Variants in TTLL7 observed in about 807,000 individuals in gnomAD.
TTLL7 encodes the protein tubulin tyrosine ligase like 7, also known as tubulin polyglutamylase TTLL7.
Under a neutral mutation model 120.2 loss-of-function variants are expected in TTLL7, and 53 were observed. The ratio of observed to expected loss-of-function variants is 0.44; its 90% CI spans 0.35 to 0.55. The LOEUF (loss-of-function observed/expected upper bound fraction) is 0.55, where lower values mean the gene tolerates loss of function less well. TTLL7 is among the 20% of genes least tolerant of loss of function. The pLI is 0.00. For synonymous variants in TTLL7, 353 were observed against 351.7 expected (o/e 1.00, Z -0.04); for missense variants, 803 against 1,054.7 (o/e 0.76, Z 3.31).
At chr1:83,967,176 G>C (rs1461747600) in intron 1 of TTLL7, among the ~76,000 whole-genome samples, 1 of 151,984 alleles carries the variant, frequency 6.6e-6, no homozygotes, top group African/African-American at 2.4e-5. Flanking sequence ...GTTTTTTTAA[G>C]TAAATAAAAT....
At chr1:83,911,399 T>C (rs775533573) in intron 14 of TTLL7, 36 bp from the exon 15 acceptor site, 1 of 1,529,930 alleles carries the variant, frequency 6.5e-7, no homozygotes, top group South Asian at 1.2e-5. Context: ...TTGTTAGAAT[T>C]CTTAAAAAAG....
At chr1:83,878,599 C>T (rs992636030) in intron 20 of TTLL7, among the ~76,000 whole-genome samples, 6 of 151,938 alleles carry the variant, frequency 3.9e-5, no homozygotes, top group East Asian at 1.9e-4. Context: ...CAAGTACTTT[C>T]GAGTAAATGT....
chr1:83,896,609 G>A (rs963036323), intron 18 of TTLL7, among the ~76,000 whole-genome samples: 3 of 152,064 alleles, frequency 2.0e-5, no homozygotes, highest in African/African-American at 7.2e-5. Flanking sequence ...CAGCATCTAT[G>A]TCAGCCTGAA....
chr1:83,870,648 C>T (rs899135096), intron 20 of TTLL7, among the ~76,000 whole-genome samples: 4 of 152,124 alleles, frequency 2.6e-5, no homozygotes, highest in South Asian at 2.1e-4. Context: ...CAGTGGCTCA[C>T]GCCTGTAATC....
intron 5 of TTLL7, chr1:83,947,530 T>TAGTACATCAAA (rs1648626024): frequency 2.7e-6 from 1 of 363,752 alleles, no homozygotes; most frequent in Non-Finnish European, 4.9e-6. Flanking sequence ...ATTTACATAT[T>TAGTACATCAAA]AGTACATCAA....
intron 20 of TTLL7, among the ~76,000 whole-genome samples, chr1:83,881,241 G>T (rs954838146): frequency 6.6e-6 from 1 of 151,466 alleles, no homozygotes; most frequent in African/African-American, 2.4e-5. Flanking sequence ...ATTGACAAAT[G>T]GAATCTAATT....
chr1:83,916,066 T>C lies in TTLL7; in HGVS notation c.1587+1538A>G, dbSNP rs529652809. Among the ~76,000 whole-genome samples the C allele has an allele frequency of 1.5e-3, 233 of 152,282 alleles. 1 individual carries two copies. The highest frequency in any genetic ancestry group is 1.4e-3 in the Non-Finnish European group (94 of 68,024). On this transcript the variant is annotated intron_variant, in intron 14 of 20. Coordinates refer to ENST00000260505, the MANE Select transcript of TTLL7 (RefSeq NM_024686.6). Reference sequence around the variant, plus strand: ...TGGGACTGTAAACTAGTTCAACCATTGTGGAAGTCAGTGTGGCGATTCCTC... The same window carrying C: ...TGGGACTGTAAACTAGTTCAACCATCGTGGAAGTCAGTGTGGCGATTCCTC...
At chr1:83,903,962 G>T (rs928109396) in intron 18 of TTLL7, 117 bp downstream of exon 18, 23 of 781,602 alleles carry the variant, frequency 2.9e-5, no homozygotes, top group Non-Finnish European at 4.3e-5. Context: ...ATAAGTGTTT[G>T]TTGAAGAAAT....
intron 19 of TTLL7, among the ~76,000 whole-genome samples, chr1:83,886,043 C>CT (rs1273371772): frequency 6.6e-6 from 1 of 151,956 alleles, no homozygotes; most frequent in Admixed American, 6.6e-5. Context: ...CTTTAAATGA[C>CT]TTTTTTAAGT....
intron 20 of TTLL7, among the ~76,000 whole-genome samples, chr1:83,875,411 A>T (rs1210154932): frequency 6.6e-6 from 1 of 151,976 alleles, no homozygotes; most frequent in Non-Finnish European, 1.5e-5. Context: ...TTGTATGAAT[A>T]CTAGAAAAAA....
chr1:83,919,286 G>GTGTT (rs1658448155), intron 13 of TTLL7, among the ~76,000 whole-genome samples: 2 of 150,914 alleles, frequency 1.3e-5, no homozygotes, highest in South Asian at 2.1e-4. Flanking sequence ...GTGTGTGTGT[G>GTGTT]TGTGTGTTTC....
chr1:83,918,160 T>A (rs1236614645), intron 13 of TTLL7, among the ~76,000 whole-genome samples: 1 of 152,206 alleles, frequency 6.6e-6, no homozygotes, highest in Non-Finnish European at 1.5e-5. Flanking sequence ...ATTTGCTGAC[T>A]GGGCACTATT....
At chr1:83,926,936 T>C (rs1187872523) in intron 10 of TTLL7, among the ~76,000 whole-genome samples, 1 of 152,126 alleles carries the variant, frequency 6.6e-6, no homozygotes, top group Admixed American at 6.5e-5. Context: ...AAAAAGAACT[T>C]TTACTTGTTC....
rs1261873728 is a variant in TTLL7 at position 83,890,448 on chromosome 1, C to T, written c.2242G>A (p.Val748Ile). 1.2e-6 allele frequency: 2 copies of T among 1,612,782 alleles called. No individual in the cohort carries two copies. The highest frequency in any genetic ancestry group is 1.7e-6 in the Non-Finnish European group (2 of 1,179,320). The change falls in exon 19 of 21, where the codon GTT (valine) becomes ATT (isoleucine). Residue 748 changes from valine to isoleucine, a missense_variant. Transcript: ENST00000260505. ...LDIVKTSIRT[V>I]LPRIWKVPDV... Reference sequence around the variant, plus strand: ...GGCACCTTCCAGATGCGTGGAAGAACTGTACGAATACTTGTTTTCACTATG... The same window carrying T: ...GGCACCTTCCAGATGCGTGGAAGAATTGTACGAATACTTGTTTTCACTATG...
rs375440870 is a variant in TTLL7, at chr1:83,942,742, T to C, written c.507-63A>G. ...ATAGAGCAAGGTGTTTAAAAAGTTATAGATATACTCAAATGGAAAATAGTG... is the reference window on the plus strand; with the variant it reads ...ATAGAGCAAGGTGTTTAAAAAGTTACAGATATACTCAAATGGAAAATAGTG... On this transcript the variant is annotated intron_variant, in intron 6 of 20. Transcript: ENST00000260505. The C allele has an allele frequency of 9.1e-4, 1,120 of 1,224,866 alleles. 20 individuals carry two copies. In the South Asian group the frequency reaches 0.015, roughly 17 times the overall value. 75.9% of individuals were successfully genotyped at this position (1,224,866 alleles called of 1,614,324 possible).
intron 18 of TTLL7, among the ~76,000 whole-genome samples, chr1:83,896,833 T>C (rs1656266617): frequency 6.6e-6 from 1 of 152,102 alleles, no homozygotes. Flanking sequence ...CATCAGATAA[T>C]AAGCTTTTCA....
chr1:83,949,925 A>T lies in TTLL7; in HGVS notation c.219T>A (p.Asn73Lys). 6 of 1,613,674 alleles carry T rather than the reference A, an allele frequency of 3.7e-6. No individual in the cohort carries two copies. The highest frequency in any genetic ancestry group is 5.1e-6 in the Non-Finnish European group (6 of 1,179,880). The change falls in exon 4 of 21, where the codon AAT becomes AAA. Residue 73 changes from asparagine (N) to lysine (K), a missense_variant. By Grantham distance (94) the Asn-to-Lys change is moderately conservative. Transcript: ENST00000260505. ...GAACAGCAGAATCACACCATATAAG[A>T]TTACTTGTTTCATCCTCATCTGGAG... is the stretch of plus-strand genomic sequence containing the variant. ...MKTPDEDETS[N>K]LIWCDSAVQQ...
rs373891867 is a variant in TTLL7, at chr1:83,912,991, C to T, written c.1588-1628G>A. 2.6e-5 allele frequency: 4 copies of T among 152,108 alleles called. No homozygotes were observed. In the East Asian group the frequency reaches 7.7e-4, roughly 29 times the overall value. The allele number at this position is 152,108 out of a possible 1,614,324, so 9.4% of individuals were successfully genotyped here. A position where few individuals can be genotyped will look rare whatever the true frequency, so the allele number is the denominator to read the frequency against. ...GTAGTGCCTTCCTTCATGTAGCAAA[C>T]AGCTTTAAGTGTTCTTAAAGAGCTT... is the stretch of plus-strand genomic sequence containing the variant. On this transcript the variant is annotated intron_variant, in intron 14 of 20. Coordinates refer to ENST00000260505, the MANE Select transcript of TTLL7 (RefSeq NM_024686.6).
At chr1:83,882,715 A>G (rs1571042445) in intron 20 of TTLL7, 2 of 364,586 alleles carry the variant, frequency 5.5e-6, no homozygotes, top group South Asian at 8.1e-5. Flanking sequence ...GTGAAGGTAT[A>G]TAAGTCAAAT....
Sources: allele counts gnomAD v4.1 joint callset (sites outside exome capture counted in the v4.1 genomes callset), GRCh38; gene constraint gnomAD v4.1.1; transcripts MANE v1.5; gene names NCBI Gene and HGNC (gene_info 2026-07-23, HGNC 2026-07-21).